The following DOK6 variants were observed in gnomAD, a reference collection of about 807,000 sequenced individuals.
DOK6 encodes the protein docking protein 6.
A neutral mutation model predicts 44.0 loss-of-function variants in DOK6; 22 were observed. The ratio of observed to expected loss-of-function variants is 0.50; its 90% CI spans 0.36 to 0.71. The LOEUF is 0.71. DOK6 is among the 30% of genes least tolerant of loss of function. The pLI is 0.00. For synonymous variants in DOK6, 166 were observed against 145.5 expected (o/e 1.14, Z -1.01); for missense variants, 340 against 416.4 (o/e 0.82, Z 1.60).
At chr18:69,637,280 T>C (rs1446919636) in intron 3 of DOK6, among the ~76,000 whole-genome samples, 1 of 152,236 alleles carries the variant, frequency 6.6e-6, no homozygotes. Context: ...AAATAAATTT[T>C]CACGGTCACG....
intron 1 of DOK6, among the ~76,000 whole-genome samples, chr18:69,561,081 C>G (rs1410315526): frequency 6.6e-6 from 1 of 152,096 alleles, no homozygotes; most frequent in Non-Finnish European, 1.5e-5. Context: ...TGTACCTACT[C>G]TATAAGAAAA....
At chr18:69,446,409 G>A (rs1443559191) in intron 1 of DOK6, among the ~76,000 whole-genome samples, 2 of 151,930 alleles carry the variant, frequency 1.3e-5, no homozygotes, top group Non-Finnish European at 2.9e-5. Context: ...TGGCTGCATA[G>A]TATTCCATGG....
At position 69,845,944 on chromosome 18, in the gene DOK6, A is replaced by G. The variant is rs1568144440; in HGVS notation, c.*4561A>G. 6.6e-6 allele frequency: 1 copy of G among 152,246 alleles called. No individual in the cohort carries two copies. The highest frequency in any genetic ancestry group is 1.5e-5 in the Non-Finnish European group (1 of 68,036). The allele number at this position is 152,246 out of a possible 1,614,324, so 9.4% of individuals were successfully genotyped here. A position where few individuals can be genotyped will look rare whatever the true frequency, so the allele number is the denominator to read the frequency against. The stretch of plus-strand genomic sequence containing the variant: ...TAGCCAACCTCATTTGAATTTTATC[A>G]TGAACATAAATTATCGGTGAGACTG... On this transcript the variant is annotated 3_prime_UTR_variant, in exon 8 of 8. Coordinates refer to ENST00000382713, the MANE Select transcript of DOK6 (RefSeq NM_152721.6).
chr18:69,522,444 T>A (rs573302677), intron 1 of DOK6, among the ~76,000 whole-genome samples: 3 of 152,142 alleles, frequency 2.0e-5, no homozygotes, highest in African/African-American at 7.2e-5. Flanking sequence ...TCAGAGTGTA[T>A]GTTTGCAATG....
chr18:69,685,610 G>A (rs1986135891), intron 4 of DOK6, among the ~76,000 whole-genome samples: 1 of 152,174 alleles, frequency 6.6e-6, no homozygotes, highest in Non-Finnish European at 1.5e-5. Flanking sequence ...ATATCTGGAG[G>A]TGGAGCCTAG....
In DOK6 at chr18:69,841,475, G is replaced by A. The variant is rs887197299; in HGVS notation, c.*92G>A. The A allele has an allele frequency of 6.5e-7, 1 of 1,538,810 alleles. No homozygotes were observed. The highest frequency in any genetic ancestry group is 1.4e-5 in the African/African-American group (1 of 73,166). ...TCTGCCTCCTGGAAGACCAATTGCA[G>A]TACAAATTGAAATGGGTCGGCTCTA... On this transcript the variant is annotated 3_prime_UTR_variant, in exon 8 of 8. Transcript: ENST00000382713.
intron 1 of DOK6, among the ~76,000 whole-genome samples, chr18:69,520,579 C>T (rs919317383): frequency 6.6e-6 from 1 of 151,866 alleles, no homozygotes. Flanking sequence ...AAATTCTACA[C>T]ATAAGTAATT....
At chr18:69,547,802 T>C (rs1982445945) in intron 1 of DOK6, among the ~76,000 whole-genome samples, 1 of 150,812 alleles carries the variant, frequency 6.6e-6, no homozygotes. Context: ...GAATGTGCAA[T>C]ATTTGTCTTT....
chr18:69,499,391 T>A (rs1382728542), intron 1 of DOK6, among the ~76,000 whole-genome samples: 2 of 152,182 alleles, frequency 1.3e-5, no homozygotes, highest in Non-Finnish European at 1.5e-5. Flanking sequence ...TATTCCTTAC[T>A]GTGGAAAATA....
At chr18:69,490,235 A>G (rs1433782825) in intron 1 of DOK6, among the ~76,000 whole-genome samples, 1 of 152,174 alleles carries the variant, frequency 6.6e-6, no homozygotes, top group African/African-American at 2.4e-5. Flanking sequence ...GCCAGACCTC[A>G]CAAGGATATC....
At chr18:69,745,880 A>G (rs1027670544) in intron 6 of DOK6, among the ~76,000 whole-genome samples, 1 of 152,234 alleles carries the variant, frequency 6.6e-6, no homozygotes, top group Non-Finnish European at 1.5e-5. Flanking sequence ...CCATCACTAA[A>G]AATTCATCCC....
intron 7 of DOK6, among the ~76,000 whole-genome samples, chr18:69,835,910 T>A (rs1982040974): frequency 6.6e-6 from 1 of 152,232 alleles, no homozygotes; most frequent in African/African-American, 2.4e-5. Flanking sequence ...ACTGCAAGTT[T>A]TATGCTTTGG....
intron 3 of DOK6, 40 bp downstream of exon 3, chr18:69,599,538 G>A (rs769301862): frequency 6.4e-7 from 1 of 1,553,928 alleles, no homozygotes; most frequent in Admixed American, 1.7e-5. Context: ...AGGAAATTGA[G>A]CTGCTTGTGA....
intron 1 of DOK6, among the ~76,000 whole-genome samples, chr18:69,491,709 T>C (rs1980739035): frequency 6.6e-6 from 1 of 152,224 alleles, no homozygotes; most frequent in African/African-American, 2.4e-5. Flanking sequence ...ATTGCAGTAG[T>C]CATTTAGCAG....
At chr18:69,417,657 A>G (rs1272077673) in intron 1 of DOK6, among the ~76,000 whole-genome samples, 1 of 152,036 alleles carries the variant, frequency 6.6e-6, no homozygotes, top group Non-Finnish European at 1.5e-5. Flanking sequence ...TTAGATGGAA[A>G]TAATTTTTAT....
chr18:69,599,266 G>A lies in DOK6; in HGVS notation c.175-118G>A. The A allele has an allele frequency of 5.5e-6, 4 of 723,922 alleles. No individual in the cohort carries two copies. In the East Asian group the frequency reaches 8.4e-5, roughly 15 times the overall value. The allele number at this position is 723,922 out of a possible 1,614,324, so 44.8% of individuals were successfully genotyped here. On this transcript the variant is annotated intron_variant, in intron 2 of 7. Coordinates refer to ENST00000382713, the MANE Select transcript of DOK6 (RefSeq NM_152721.6). The stretch of plus-strand genomic sequence containing the variant: ...TTTTTGGCTAAAGTCAATTCAGAAT[G>A]AGTACAAATATCCCGTGGAAATTCA...
At chr18:69,729,860 A>G (rs574690590) in intron 5 of DOK6, among the ~76,000 whole-genome samples, 1 of 152,362 alleles carries the variant, frequency 6.6e-6, no homozygotes, top group Admixed American at 6.5e-5. Flanking sequence ...AGTGGCTCTA[A>G]AAGTTTTATT....
intron 1 of DOK6, among the ~76,000 whole-genome samples, chr18:69,518,305 CT>C (rs1224195340): frequency 1.3e-5 from 2 of 151,914 alleles, no homozygotes; most frequent in East Asian, 1.9e-4. Flanking sequence ...TCTTCCTTCT[CT>C]TTTTTTCCTT....
intron 5 of DOK6, among the ~76,000 whole-genome samples, chr18:69,737,723 C>T (rs1412042648): frequency 1.3e-5 from 2 of 152,100 alleles, no homozygotes; most frequent in African/African-American, 2.4e-5. Context: ...GACAAAAATC[C>T]CTCCTGTAAG....
Sources: gnomAD v4.1 joint callset for allele counts (sites outside exome capture counted in the v4.1 genomes callset) on GRCh38, gnomAD v4.1.1 for gene constraint, MANE v1.5 for transcripts, NCBI Gene and HGNC (gene_info 2026-07-23, HGNC 2026-07-21) for gene names.